AGAP1: variants seen among roughly 807,000 people sequenced by gnomAD.
The protein encoded by AGAP1 is ArfGAP with GTPase domain, ankyrin repeat and PH domain 1.
In AGAP1, 29 loss-of-function variants were observed where a neutral mutation model predicts 105.3. The observed-to-expected ratio is 0.28, with a 90% CI of 0.21 to 0.38. The LOEUF (loss-of-function observed/expected upper bound fraction) is 0.38. AGAP1 is among the 10% of genes least tolerant of loss of function. The pLI is 1.00. For synonymous variants in AGAP1, 509 were observed against 485.9 expected, an observed-to-expected ratio of 1.05 and a Z score of -0.63; for missense variants, 998 against 1,165.1, an observed-to-expected ratio of 0.86 and a Z score of 2.09.
In AGAP1 at chr2:235,689,437, A is replaced by G. The variant is rs1479528786; in HGVS notation, c.164-19742A>G. Among the ~76,000 whole-genome samples, 2 of 152,266 alleles carry G rather than the reference A, an allele frequency of 1.3e-5. No individual in the cohort carries two copies. The highest frequency in any genetic ancestry group is 2.9e-5 in the Non-Finnish European group (2 of 68,048). Reference sequence around the variant, plus strand: ...ACTGATTATGTTTCCATTACACCATAGAACATAACAATTTTGACTGCAGAG... The same window carrying G: ...ACTGATTATGTTTCCATTACACCATGGAACATAACAATTTTGACTGCAGAG... On this transcript the variant is annotated intron_variant, in intron 1 of 17. Coordinates refer to ENST00000304032, the MANE Select transcript of AGAP1 (RefSeq NM_001037131.3). This position sits in a 1 kb window ranked among gnomAD's most constrained non-coding sequence, Gnocchi z 4.2.
chr2:235,972,192 C>T (rs2054676553), intron 13 of AGAP1, among the ~76,000 whole-genome samples: 1 of 152,128 alleles, frequency 6.6e-6, no homozygotes, highest in Non-Finnish European at 1.5e-5. Context: ...TGACCAAGTG[C>T]TGAAAAGATG....
rs1481983916 is a variant in AGAP1 at position 236,123,842 on chromosome 2, G to A, written c.2371-77G>A. 1.3e-5 allele frequency: 20 copies of A among 1,562,314 alleles called. No individual in the cohort carries two copies. The highest frequency in any genetic ancestry group is 1.7e-5 in the Non-Finnish European group (19 of 1,144,536). ...GTCCAAGCACAAGCCACATGCAAGG[G>A]CTGAGAGAAAGCTTCCCTGCCCCCT... On this transcript the variant is annotated intron_variant, in intron 17 of 17. Coordinates refer to ENST00000304032, the MANE Select transcript of AGAP1 (RefSeq NM_001037131.3). This position sits in a 1 kb window ranked among gnomAD's most constrained non-coding sequence, Gnocchi z 4.6.
At chr2:235,954,389 C>T (rs970739247) in intron 12 of AGAP1, among the ~76,000 whole-genome samples, 3 of 152,002 alleles carry the variant, frequency 2.0e-5, no homozygotes, top group African/African-American at 7.3e-5. Context: ...GGGCAGGCTT[C>T]AGCCCTCCAA....
chr2:235,972,418 G>A (rs1435652275), intron 13 of AGAP1, among the ~76,000 whole-genome samples: 1 of 152,188 alleles, frequency 6.6e-6, no homozygotes, highest in African/African-American at 2.4e-5. Flanking sequence ...GAATGGGATG[G>A]GGCTCCCCGG....
chr2:235,833,224 T>A (rs575338353), intron 9 of AGAP1, among the ~76,000 whole-genome samples: 2 of 152,188 alleles, frequency 1.3e-5, no homozygotes, highest in Non-Finnish European at 2.9e-5. Flanking sequence ...GCCGCCGTGC[T>A]GAGTGATGCC....
At chr2:236,064,075 T>G (rs1286593131) in intron 16 of AGAP1, among the ~76,000 whole-genome samples, 2 of 152,086 alleles carry the variant, frequency 1.3e-5, no homozygotes, top group African/African-American at 4.8e-5. Context: ...CTTAATGAAA[T>G]TAGGAGATAA....
chr2:236,085,971 T>C (rs1045940873), intron 16 of AGAP1, among the ~76,000 whole-genome samples: 2 of 152,366 alleles, frequency 1.3e-5, no homozygotes, highest in East Asian at 3.9e-4. Context: ...ACACTCGTCA[T>C]TTCTCTGCTG....
At chr2:235,579,401 C>G (rs1944850753) in intron 1 of AGAP1, among the ~76,000 whole-genome samples, 1 of 152,164 alleles carries the variant, frequency 6.6e-6, no homozygotes, top group South Asian at 2.1e-4. Flanking sequence ...GTTGCAATCC[C>G]AGGGGGCGAC....
At chr2:235,915,725 A>G (rs1169333957) in intron 11 of AGAP1, among the ~76,000 whole-genome samples, 1 of 152,222 alleles carries the variant, frequency 6.6e-6, no homozygotes. Flanking sequence ...TTTATGAATA[A>G]AGATTGTGAA....
intron 1 of AGAP1, among the ~76,000 whole-genome samples, chr2:235,707,551 G>A (rs944156218): frequency 3.6e-5 from 5 of 139,640 alleles, no homozygotes; most frequent in Admixed American, 7.7e-5. Flanking sequence ...CTCCCCCGGC[G>A]TGTGACCTGG....
At chr2:236,102,331 T>TG (rs2059373865) in intron 16 of AGAP1, among the ~76,000 whole-genome samples, 1 of 146,324 alleles carries the variant, frequency 6.8e-6, no homozygotes, top group Admixed American at 7.1e-5. Flanking sequence ...GCAAGGAGAA[T>TG]GGCGTGAACC....
chr2:235,713,656 AG>A (rs1950958113), intron 2 of AGAP1, among the ~76,000 whole-genome samples: 1 of 152,242 alleles, frequency 6.6e-6, no homozygotes, highest in Non-Finnish European at 1.5e-5. Flanking sequence ...CAGAGACCTA[AG>A]GGAGCTTTGA....
rs2056449089 is a variant in AGAP1 at position 236,009,813 on chromosome 2, C to T, written c.1646-26748C>T. 6.6e-6 allele frequency among the ~76,000 whole-genome samples: 1 copy of T among 152,142 alleles called. No homozygotes were observed. Among genetic ancestry groups the T allele is most frequent in the African/African-American group, 2.4e-5 (1 of 41,436 alleles). The stretch of plus-strand genomic sequence containing the variant: ...ACACTTGGACGTCCAACATGGCTGA[C>T]GCGCCTTGGACACACAGCCTCGGCG... On this transcript the variant is annotated intron_variant, in intron 13 of 17. Coordinates refer to ENST00000304032, the MANE Select transcript of AGAP1 (RefSeq NM_001037131.3). The surrounding 1 kb of genome is among the most constrained non-coding windows in gnomAD (Gnocchi z 4.2).
intron 13 of AGAP1, among the ~76,000 whole-genome samples, chr2:236,010,007 G>A (rs1356125164): frequency 6.6e-6 from 1 of 151,738 alleles, no homozygotes; most frequent in Admixed American, 6.6e-5. Context: ...GCAGACTAAA[G>A]AATATTTTTA....
intron 1 of AGAP1, among the ~76,000 whole-genome samples, chr2:235,687,831 A>G (rs899926093): frequency 9.3e-5 from 14 of 150,992 alleles, no homozygotes; most frequent in African/African-American, 3.2e-4. Flanking sequence ...TCTTTGGTAG[A>G]AGGATGTGTT....
In AGAP1 at chr2:235,716,650, A is replaced by G. The variant is rs1951121413; in HGVS notation, c.223-907A>G. On this transcript the variant is annotated intron_variant, in intron 2 of 17. Transcript: ENST00000304032. This position sits in a 1 kb window ranked among gnomAD's most constrained non-coding sequence, Gnocchi z 4.0. Reference sequence around the variant, plus strand: ...TAGCGATGTTCTAGTGGGGGAGGAAAAGGTTAAAATGCAGGAGATTTTTGA... The same window carrying G: ...TAGCGATGTTCTAGTGGGGGAGGAAGAGGTTAAAATGCAGGAGATTTTTGA... Among the ~76,000 whole-genome samples the G allele has an allele frequency of 6.6e-6, 1 of 152,052 alleles. No individual in the cohort carries two copies. Among genetic ancestry groups the G allele is most frequent in the Admixed American group, 6.5e-5 (1 of 15,274 alleles).
At chr2:235,590,982 A>G (rs533088854) in intron 1 of AGAP1, among the ~76,000 whole-genome samples, 3 of 148,844 alleles carry the variant, frequency 2.0e-5, no homozygotes, top group Admixed American at 6.7e-5. Flanking sequence ...CGGCCTCCCA[A>G]AGTGCTGGGA....
In AGAP1 at chr2:235,746,377, CTTTTTTTTTTTTTTTT is replaced by C. The variant is rs1172393048; in HGVS notation, c.538+1557_538+1572del. Reference sequence around the variant, plus strand: ...GCTTCCTGGAGAGCACCTCCCCCAACTTTTTTTTTTTTTTTTTTTTTTTTTTTTTTTTTTAAAGCGT... The same window carrying C: ...GCTTCCTGGAGAGCACCTCCCCCAACTTTTTTTTTTTTTTTTTTAAAGCGT... On this transcript the variant is annotated intron_variant, in intron 5 of 17. Transcript: ENST00000304032. 4.5e-3 allele frequency among the ~76,000 whole-genome samples: 250 copies of C among 55,568 alleles called. 5 individuals carry two copies. Among genetic ancestry groups the C allele is most frequent in the Middle Eastern group, 0.022 (1 of 46 alleles). 36.5% of individuals were successfully genotyped at this position (55,568 alleles called of 152,430 possible).
chr2:236,035,460 AC>A lies in AGAP1; in HGVS notation c.1646-1100del, dbSNP rs1176595155. Among the ~76,000 whole-genome samples, 1 of 152,114 alleles carries A rather than the reference AC, an allele frequency of 6.6e-6. No individual in the cohort carries two copies. The highest frequency in any genetic ancestry group is 2.4e-5 in the African/African-American group (1 of 41,420). On this transcript the variant is annotated intron_variant, in intron 13 of 17. Coordinates refer to ENST00000304032, the MANE Select transcript of AGAP1 (RefSeq NM_001037131.3). The surrounding 1 kb of genome is among the most constrained non-coding windows in gnomAD (Gnocchi z 4.2). Reference sequence around the variant, plus strand: ...ACCAGCCTAGGGAGACACCATCTCTACAAAAAATGTCTAACAATTGGCCAGG... The same window carrying A: ...ACCAGCCTAGGGAGACACCATCTCTAAAAAAATGTCTAACAATTGGCCAGG...
Sources: gnomAD v4.1 joint callset for allele counts (sites outside exome capture counted in the v4.1 genomes callset) on GRCh38, gnomAD v4.1.1 for gene constraint, Gnocchi (gnomAD v3.1) non-coding constraint, MANE v1.5 for transcripts, NCBI Gene and HGNC (gene_info 2026-07-23, HGNC 2026-07-21) for gene names.